The following SRGAP2 variants were observed in gnomAD, a reference collection of about 807,000 sequenced individuals.
SRGAP2 encodes SLIT-ROBO Rho GTPase-activating protein 2.
Under a neutral mutation model 57.2 loss-of-function variants are expected in SRGAP2, and 15 were observed. The ratio of observed to expected loss-of-function variants is 0.26; its 90% CI spans 0.18 to 0.40. The LOEUF (loss-of-function observed/expected upper bound fraction) is 0.40. Ranked by LOEUF, SRGAP2 falls within the 10% of genes least tolerant of loss-of-function variation. The pLI is 1.00. For missense variants in SRGAP2, 520 were observed against 669.6 expected (o/e 0.78, Z 2.47); for synonymous variants, 249 against 248.0 (o/e 1.00, Z -0.04).
At chr1:206,421,400 A>G (rs892635209) in intron 13 of SRGAP2, 126 bp downstream of exon 13, 1 of 512,004 alleles carries the variant, frequency 2.0e-6, no homozygotes, top group East Asian at 3.2e-5. Flanking sequence ...GGAATGTATC[A>G]TTTAGTCATA....
At position 206,454,639 on chromosome 1, in the gene SRGAP2, C is replaced by A; in HGVS notation, c.2361-239C>A. Reference sequence around the variant, plus strand: ...CCAGGTGTCCCCTAGCCACGCTTTCCTGAGGAGCTGAGGAGCCCGCAGAAC... The same window carrying A: ...CCAGGTGTCCCCTAGCCACGCTTTCATGAGGAGCTGAGGAGCCCGCAGAAC... On this transcript the variant is annotated intron_variant, in intron 20 of 22. Coordinates refer to ENST00000573034, the MANE Select transcript of SRGAP2 (RefSeq NM_015326.5). This position sits in a 1 kb window ranked among gnomAD's most constrained non-coding sequence, Gnocchi z 4.3. The A allele has an allele frequency of 2.0e-6, 1 of 497,746 alleles. No individual in the cohort carries two copies. The highest frequency in any genetic ancestry group is 3.8e-5 in the Admixed American group (1 of 26,428). 30.8% of individuals were successfully genotyped at this position (497,746 alleles called of 1,614,324 possible). A position where few individuals can be genotyped will look rare whatever the true frequency, so the allele number is the denominator to read the frequency against.
intron 17 of SRGAP2, among the ~76,000 whole-genome samples, chr1:206,443,636 CA>C (rs1553372850): frequency 6.6e-6 from 1 of 152,176 alleles, no homozygotes; most frequent in Non-Finnish European, 1.5e-5. Flanking sequence ...CTCGACCTCA[CA>C]AAGTGCTGGG....
intron 3 of SRGAP2, among the ~76,000 whole-genome samples, chr1:206,306,207 C>G (rs1672184172): frequency 6.6e-6 from 1 of 152,162 alleles, no homozygotes; most frequent in Non-Finnish European, 1.5e-5. Flanking sequence ...GCTGCGGACC[C>G]TTGCGGTGAG....
intron 17 of SRGAP2, among the ~76,000 whole-genome samples, chr1:206,444,194 A>G (rs1253470368): frequency 1.3e-5 from 2 of 151,944 alleles, no homozygotes; most frequent in African/African-American, 2.4e-5. Flanking sequence ...AAAAAAAAAG[A>G]ACCACTGCTT....
intron 2 of SRGAP2, among the ~76,000 whole-genome samples, chr1:206,240,414 T>C (rs1668150379): frequency 6.6e-6 from 1 of 152,188 alleles, no homozygotes; most frequent in Non-Finnish European, 1.5e-5. Context: ...TGTGCTGTAC[T>C]CGTCACTATG....
chr1:206,458,655 G>A lies in SRGAP2; in HGVS notation c.2540G>A (p.Arg847Gln), dbSNP rs782183034. The A allele has an allele frequency of 3.6e-5, 28 of 769,810 alleles. No homozygotes were observed. The highest frequency in any genetic ancestry group is 2.1e-4 in the Admixed American group (12 of 58,050). 47.7% of individuals were successfully genotyped at this position (769,810 alleles called of 1,614,324 possible). A position where few individuals can be genotyped will look rare whatever the true frequency, so the allele number is the denominator to read the frequency against. ...AAGCGTCCAGAATCTGGGAGCATCC[G>A]GAAAACTTTTCGGAGTGACAGCCAT... is the stretch of plus-strand genomic sequence containing the variant. ...QRKRPESGSI[R>Q]KTFRSDSHGL... The change falls in exon 22 of 23, where the codon CGG (arginine) becomes CAG (glutamine). Residue 847 changes from arginine (R) to glutamine (Q), a missense_variant. Transcript: ENST00000573034.
intron 3 of SRGAP2, among the ~76,000 whole-genome samples, chr1:206,329,837 A>G (rs1156391824): frequency 2.1e-5 from 3 of 143,766 alleles, no homozygotes; most frequent in South Asian, 2.3e-4. Flanking sequence ...AACTTCCAAC[A>G]CTATGTTGAA....
chr1:206,448,074 T>C (rs1662925751), intron 18 of SRGAP2, among the ~76,000 whole-genome samples: 2 of 152,098 alleles, frequency 1.3e-5, no homozygotes, highest in Admixed American at 1.3e-4. Flanking sequence ...AACCGCTGGA[T>C]TCACACCCAC....
At chr1:206,429,628 G>A (rs191645777) in intron 13 of SRGAP2, among the ~76,000 whole-genome samples, 1 of 152,372 alleles carries the variant, frequency 6.6e-6, no homozygotes. Context: ...AACAGGCAGT[G>A]GAACTGGAGG....
chr1:206,310,051 C>A (rs1672523184), intron 3 of SRGAP2, among the ~76,000 whole-genome samples: 1 of 151,050 alleles, frequency 6.6e-6, no homozygotes, highest in African/African-American at 2.5e-5. Context: ...TCTGTAAGAG[C>A]AATTTCTTAT....
At chr1:206,444,006 A>G (rs985392763) in intron 17 of SRGAP2, among the ~76,000 whole-genome samples, 1 of 152,112 alleles carries the variant, frequency 6.6e-6, no homozygotes, top group African/African-American at 2.4e-5. Flanking sequence ...CCTGGCCAAC[A>G]TGGCGAAACC....
chr1:206,372,951 CTTTCTTTTCT>C (rs1378647280), intron 4 of SRGAP2, among the ~76,000 whole-genome samples: 2 of 11,356 alleles, frequency 1.8e-4, no homozygotes, highest in Admixed American at 1.1e-3. Context: ...TTCTTTCTTT[CTTTCTTTTCT>C]TTCCTTTCTT....
At chr1:206,260,837 T>A (rs1553313380) in intron 2 of SRGAP2, among the ~76,000 whole-genome samples, 2 of 152,268 alleles carry the variant, frequency 1.3e-5, no homozygotes, top group Admixed American at 1.3e-4. Context: ...GTGCATATGC[T>A]ACTTAAAATG....
chr1:206,327,417 T>C (rs1674015966), intron 3 of SRGAP2, among the ~76,000 whole-genome samples: 1 of 149,764 alleles, frequency 6.7e-6, no homozygotes, highest in Non-Finnish European at 1.5e-5. Flanking sequence ...AATTTTGAGA[T>C]GTATTTGTCT....
At chr1:206,237,349 G>A (rs1268379627) in intron 2 of SRGAP2, among the ~76,000 whole-genome samples, 1 of 152,164 alleles carries the variant, frequency 6.6e-6, no homozygotes, top group African/African-American at 2.4e-5. Flanking sequence ...GTGGGCCAGG[G>A]CTTTTTCTTA....
intron 5 of SRGAP2, among the ~76,000 whole-genome samples, chr1:206,389,165 C>CT (rs71274650): frequency 0.025 from 1,812 of 73,126 alleles, 196 homozygotes; most frequent in Non-Finnish European, 0.035. Context: ...CTCAGACTTC[C>CT]TTTTTTTTTT....
intron 2 of SRGAP2, among the ~76,000 whole-genome samples, chr1:206,230,076 C>A (rs1667535413): frequency 6.6e-6 from 1 of 152,150 alleles, no homozygotes; most frequent in African/African-American, 2.4e-5. Context: ...GGTTTCTCTG[C>A]TTTTGACTTG....
At chr1:206,306,105 T>G (rs1672178150) in intron 3 of SRGAP2, among the ~76,000 whole-genome samples, 1 of 152,152 alleles carries the variant, frequency 6.6e-6, no homozygotes, top group Admixed American at 6.5e-5. Context: ...ATGGACGTAT[T>G]TGTTACAAAT....
intron 2 of SRGAP2, among the ~76,000 whole-genome samples, chr1:206,251,902 G>A (rs1324752778): frequency 2.4e-5 from 2 of 84,602 alleles, no homozygotes; most frequent in Admixed American, 2.5e-4. Flanking sequence ...ATGGGGTTTC[G>A]CCATGTGGGC....
Sources: gnomAD v4.1 joint callset for allele counts (sites outside exome capture counted in the v4.1 genomes callset) on GRCh38, gnomAD v4.1.1 for gene constraint, Gnocchi (gnomAD v3.1) non-coding constraint, MANE v1.5 for transcripts, NCBI Gene and HGNC (gene_info 2026-07-23, HGNC 2026-07-21) for gene names.